The following CFAP61 variants were observed in gnomAD, a reference collection of about 807,000 sequenced individuals.
The protein encoded by CFAP61 is cilia and flagella associated protein 61.
In CFAP61, 107 loss-of-function variants were observed where a neutral mutation model predicts 135.6. The ratio of observed to expected loss-of-function variants is 0.79; its 90% CI spans 0.67 to 0.93. CFAP61 has a LOEUF of 0.93. Ranked by LOEUF, CFAP61 falls within the 40% of genes least tolerant of loss-of-function variation. CFAP61 has a pLI of 0.00. For synonymous variants in CFAP61, 575 were observed against 578.5 expected (o/e 0.99, Z 0.09); for missense variants, 1,507 against 1,556.2 (o/e 0.97, Z 0.53).
intron 9 of CFAP61, among the ~76,000 whole-genome samples, chr20:20,147,643 C>T (rs1046662829): frequency 1.3e-5 from 2 of 152,040 alleles, no homozygotes; most frequent in African/African-American, 4.8e-5. Flanking sequence ...GGATACTAGT[C>T]CTTTGTTGGG....
At chr20:20,229,136 G>A (rs1367251840) in intron 18 of CFAP61, among the ~76,000 whole-genome samples, 1 of 152,082 alleles carries the variant, frequency 6.6e-6, no homozygotes, top group Non-Finnish European at 1.5e-5. Context: ...TCCTTTCAGA[G>A]CCCATTTTTC....
intron 17 of CFAP61, among the ~76,000 whole-genome samples, chr20:20,206,018 G>T (rs1005551275): frequency 6.6e-6 from 1 of 152,022 alleles, no homozygotes; most frequent in African/African-American, 2.4e-5. Context: ...GTGGAGGGAA[G>T]AGACAGGATG....
At position 20,075,205 on chromosome 20, in the gene CFAP61, G is replaced by A; in HGVS notation, c.388G>A (p.Val130Met). ...KEILRTVYKA[V>M]PELHFIFLIV... is the part of the protein sequence containing the mutation. ...CCTCACCAGAACCGTGTATAAGGCAGTGCCAGAGCTGCACTTCATATTTCT... is the reference window on the plus strand; with the variant it reads ...CCTCACCAGAACCGTGTATAAGGCAATGCCAGAGCTGCACTTCATATTTCT... Residue 130 changes from valine (V) to methionine (M), a missense_variant, in exon 5 of 27, where the codon GTG becomes ATG. Val to Met is a conservative substitution (Grantham distance 21, BLOSUM62 1). Coordinates refer to ENST00000245957, the MANE Select transcript of CFAP61 (RefSeq NM_015585.4). 6.2e-7 allele frequency: 1 copy of A among 1,614,100 alleles called. No individual in the cohort carries two copies.
intron 25 of CFAP61, among the ~76,000 whole-genome samples, chr20:20,315,941 C>A (rs1200818244): frequency 6.6e-6 from 1 of 152,100 alleles, no homozygotes; most frequent in Non-Finnish European, 1.5e-5. Flanking sequence ...GTTACTGTAG[C>A]CTTGTAGTAT....
intron 17 of CFAP61, 40 bp downstream of exon 17, chr20:20,199,942 C>T (rs1297214042): frequency 1.9e-6 from 3 of 1,607,336 alleles, no homozygotes; most frequent in African/African-American, 2.7e-5. Flanking sequence ...GCGGTGCCAG[C>T]TCCCGCGGGC....
chr20:20,326,527 T>C (rs1450853717), intron 25 of CFAP61, among the ~76,000 whole-genome samples: 1 of 152,220 alleles, frequency 6.6e-6, no homozygotes, highest in African/African-American at 2.4e-5. Flanking sequence ...TTGTGTGTGG[T>C]GTAATATAAG....
At chr20:20,325,218 C>T (rs1258853262) in intron 25 of CFAP61, among the ~76,000 whole-genome samples, 2 of 152,178 alleles carry the variant, frequency 1.3e-5, no homozygotes, top group Non-Finnish European at 2.9e-5. Flanking sequence ...ACTGATGAAA[C>T]AATATTGATA....
chr20:20,343,148 C>T (rs1243776283), intron 26 of CFAP61, among the ~76,000 whole-genome samples: 2 of 152,314 alleles, frequency 1.3e-5, no homozygotes, highest in Admixed American at 6.5e-5. Flanking sequence ...TGAGCCATCG[C>T]GCCCGACCAG....
At chr20:20,150,360 G>A (rs935585924) in intron 9 of CFAP61, among the ~76,000 whole-genome samples, 1 of 152,122 alleles carries the variant, frequency 6.6e-6, no homozygotes, top group Non-Finnish European at 1.5e-5. Flanking sequence ...TTCTTATCCT[G>A]GCCAACACAG....
chr20:20,356,162 A>AGTGGTCACACTGAGGGGAG (rs2059147025), intron 26 of CFAP61, among the ~76,000 whole-genome samples: 1 of 59,904 alleles, frequency 1.7e-5, no homozygotes, highest in Non-Finnish European at 3.3e-5. Context: ...ACTGAGGGGA[A>AGTGGTCACACTGAGGGGAG]GTGGTCACAC....
intron 9 of CFAP61, among the ~76,000 whole-genome samples, chr20:20,156,934 A>G (rs1452293625): frequency 6.6e-6 from 1 of 152,218 alleles, no homozygotes; most frequent in African/African-American, 2.4e-5. Flanking sequence ...TAAAATCCCA[A>G]TCACATTTTC....
intron 1 of CFAP61, chr20:20,052,852 G>A (rs1271994101): frequency 3.5e-6 from 3 of 850,256 alleles, no homozygotes; most frequent in Non-Finnish European, 1.8e-6. Context: ...AATGCCTCGA[G>A]CATTGCATTC....
intron 1 of CFAP61, among the ~76,000 whole-genome samples, chr20:20,055,482 TA>T (rs1340617772): frequency 6.6e-6 from 1 of 152,208 alleles, no homozygotes; most frequent in Non-Finnish European, 1.5e-5. Flanking sequence ...GTTTAATTTT[TA>T]ATTCTCTGTT....
intron 25 of CFAP61, among the ~76,000 whole-genome samples, chr20:20,309,410 G>T (rs565726296): frequency 6.6e-6 from 1 of 152,122 alleles, no homozygotes. Flanking sequence ...AATAAGACCT[G>T]CAGCAAGCTT....
chr20:20,183,831 T>C (rs1261701344), intron 13 of CFAP61, among the ~76,000 whole-genome samples: 2 of 152,198 alleles, frequency 1.3e-5, no homozygotes, highest in African/African-American at 4.8e-5. Flanking sequence ...GCTCTTGTAC[T>C]GGACAGTGTC....
At chr20:20,226,770 T>C in intron 17 of CFAP61, among the ~76,000 whole-genome samples, 1 of 152,214 alleles carries the variant, frequency 6.6e-6, no homozygotes, top group East Asian at 1.9e-4. Context: ...TCAACTTAGG[T>C]CACATGTGTA....
At chr20:20,230,805 CT>C (rs1173654835) in intron 18 of CFAP61, among the ~76,000 whole-genome samples, 1 of 152,174 alleles carries the variant, frequency 6.6e-6, no homozygotes, top group Non-Finnish European at 1.5e-5. Context: ...ACCTGCCCGC[CT>C]TGGCCTCCCA....
intron 10 of CFAP61, among the ~76,000 whole-genome samples, chr20:20,161,294 G>C (rs1192265382): frequency 2.6e-5 from 4 of 152,088 alleles, no homozygotes; most frequent in African/African-American, 9.7e-5. Flanking sequence ...CATCAAACAT[G>C]GTTGGAACCC....
At chr20:20,113,409 C>T (rs978493276) in intron 8 of CFAP61, among the ~76,000 whole-genome samples, 22 of 152,138 alleles carry the variant, frequency 1.4e-4, no homozygotes, top group Non-Finnish European at 2.5e-4. Flanking sequence ...TAAGTATCTT[C>T]GCTCCATCTA....
Sources: allele counts gnomAD v4.1 joint callset (sites outside exome capture counted in the v4.1 genomes callset), GRCh38; gene constraint gnomAD v4.1.1; transcripts MANE v1.5; gene names NCBI Gene and HGNC (gene_info 2026-07-23, HGNC 2026-07-21).